MYOF: variants seen among roughly 807,000 people sequenced by gnomAD.
MYOF encodes myoferlin.
A neutral mutation model predicts 284.2 loss-of-function variants in MYOF; 244 were observed. The observed-to-expected ratio is 0.86, with a 90% CI of 0.77 to 0.95. The LOEUF is 0.95. MYOF is among the 40% of genes least tolerant of loss of function. MYOF has a pLI of 0.00. For missense variants in MYOF, 2,496 were observed against 2,560.6 expected (o/e 0.97, Z 0.54); for synonymous variants, 904 against 919.7 (o/e 0.98, Z 0.31).
chr10:93,386,494 G>A (rs991407719), intron 19 of MYOF, among the ~76,000 whole-genome samples: 2 of 152,194 alleles, frequency 1.3e-5, no homozygotes, highest in African/African-American at 2.4e-5. Context: ...GAAGTTACAC[G>A]GATGCCCCGT....
intron 7 of MYOF, among the ~76,000 whole-genome samples, chr10:93,405,036 A>G (rs1408223540): frequency 6.6e-6 from 1 of 152,222 alleles, no homozygotes; most frequent in African/African-American, 2.4e-5. Flanking sequence ...TTTCTAATCT[A>G]CAGGACAGCT....
chr10:93,439,582 T>C (rs1221558590), intron 3 of MYOF, among the ~76,000 whole-genome samples: 1 of 152,228 alleles, frequency 6.6e-6, no homozygotes, highest in Non-Finnish European at 1.5e-5. Flanking sequence ...CAGGCAGGCC[T>C]GACTAATTCA....
chr10:93,313,945 G>A (rs1189364352), intron 50 of MYOF, among the ~76,000 whole-genome samples: 2 of 152,086 alleles, frequency 1.3e-5, no homozygotes, highest in African/African-American at 4.8e-5. Context: ...TGCATGAAAT[G>A]TGCATGTCCA....
In MYOF at chr10:93,351,448, C is replaced by T. The variant is rs183135638; in HGVS notation, c.3787G>A (p.Val1263Ile). 177 of 1,614,226 alleles carry T rather than the reference C, an allele frequency of 1.1e-4. 1 individual carries two copies. The African/African-American group carries it at 2.0e-3, about 18-fold the overall frequency. ...VMNGDKACGD[V>I]LVTAELILRG... is the part of the protein sequence containing the mutation. The stretch of plus-strand genomic sequence containing the variant: ...AGAATCAGCTCTGCAGTTACAAGAA[C>T]ATCCCCGCAGGCTTTGTCTCCATTC... Residue 1263 changes from valine to isoleucine, a missense_variant, in exon 34 of 54, where the codon GTT becomes ATT. Around this residue, in one of 3 missense-constraint regions of MYOF, gnomAD observed 2,436 missense variants for 2,480.7 expected, o/e 0.98. Transcript: ENST00000359263.
chr10:93,378,400 A>G (rs1188942782), intron 21 of MYOF, among the ~76,000 whole-genome samples: 11 of 152,198 alleles, frequency 7.2e-5, no homozygotes, highest in African/African-American at 2.2e-4. Flanking sequence ...TTGCCTATCA[A>G]TTGCAACTTT....
rs1390146438 is a variant in MYOF, at chr10:93,373,086, C to G, written c.2302-1G>C. ...TGATGTCAGGCATGCTGTTCTGTGG[C>G]TGGTCATGAGGATTGGATGGAAGAG... On this transcript the variant is annotated splice_acceptor_variant, in intron 23 of 53. Transcript: ENST00000359263. LOFTEE classifies it high-confidence loss of function. 6.2e-7 allele frequency: 1 copy of G among 1,614,148 alleles called. No homozygotes were observed. Among genetic ancestry groups the G allele is most frequent in the Non-Finnish European group, 8.5e-7 (1 of 1,180,006 alleles).
chr10:93,424,929 ATTTTTTTTTTTTTTT>A (rs11376911), intron 5 of MYOF, among the ~76,000 whole-genome samples: 1 of 77,738 alleles, frequency 1.3e-5, no homozygotes, highest in Non-Finnish European at 2.3e-5. Flanking sequence ...GGAGAATTCC[ATTTTTTTTTTTTTTT>A]TTTTTTTTTT....
Position 93,396,137 on chromosome 10 carries a change from C to T in MYOF, c.1417+5G>A. On this transcript the variant is annotated splice_donor_5th_base_variant and intron_variant, in intron 16 of 53. Transcript: ENST00000359263. ...GTCTTGTTCTAGATCTGTTGAGTGACTTACCTTCCACTTCCCCACCAGAGG... is the reference window on the plus strand; with the variant it reads ...GTCTTGTTCTAGATCTGTTGAGTGATTTACCTTCCACTTCCCCACCAGAGG... 6.2e-7 allele frequency: 1 copy of T among 1,602,112 alleles called. No homozygotes were observed. Among genetic ancestry groups the T allele is most frequent in the Non-Finnish European group, 8.5e-7 (1 of 1,171,686 alleles).
intron 21 of MYOF, 80 bp downstream of exon 21, chr10:93,379,783 G>A (rs1354169000): frequency 3.2e-6 from 5 of 1,557,798 alleles, no homozygotes; most frequent in African/African-American, 1.4e-5. Context: ...ACTTTCTTGT[G>A]TTATAGTGGC....
chr10:93,437,994 T>A (rs1849204993), intron 3 of MYOF, among the ~76,000 whole-genome samples: 2 of 152,100 alleles, frequency 1.3e-5, no homozygotes, highest in African/African-American at 4.8e-5. Flanking sequence ...CCTTATGAAA[T>A]CCAGTGTTAG....
At chr10:93,341,862 C>T (rs1325220522) in intron 38 of MYOF, 72 of 1,224,466 alleles carry the variant, frequency 5.9e-5, no homozygotes, top group Non-Finnish European at 7.3e-5. Context: ...AGTCTTTAGG[C>T]CAAGGTCCCA....
At chr10:93,391,397 G>C (rs1846668080) in intron 17 of MYOF, among the ~76,000 whole-genome samples, 2 of 151,800 alleles carry the variant, frequency 1.3e-5, no homozygotes, top group African/African-American at 2.4e-5. Context: ...TTCTAGACCA[G>C]CCTGGCCAAC....
chr10:93,393,766 C>G (rs574334873), intron 16 of MYOF, among the ~76,000 whole-genome samples: 1 of 152,126 alleles, frequency 6.6e-6, no homozygotes, highest in Non-Finnish European at 1.5e-5. Flanking sequence ...CTATTAGCAC[C>G]CCTGCCCTAC....
At chr10:93,318,696 T>C (rs34857987) in intron 49 of MYOF, among the ~76,000 whole-genome samples, 34,079 of 151,896 alleles carry the variant, frequency 0.22, 5,083 homozygotes, top group Non-Finnish European at 0.34. Flanking sequence ...AGGCAGAGGT[T>C]GTGGTGAGCT....
At chr10:93,333,068 T>C (rs1457390689) in intron 43 of MYOF, among the ~76,000 whole-genome samples, 153 bp downstream of exon 43, 1 of 152,180 alleles carries the variant, frequency 6.6e-6, no homozygotes, top group East Asian at 1.9e-4. Flanking sequence ...ATTTTGGGTT[T>C]ATCTATTTAT....
At chr10:93,340,485 G>A (rs954613805) in intron 38 of MYOF, among the ~76,000 whole-genome samples, 3 of 152,092 alleles carry the variant, frequency 2.0e-5, no homozygotes, top group African/African-American at 7.2e-5. Flanking sequence ...TTTCCCAGTC[G>A]GGAGCACACA....
intron 46 of MYOF, among the ~76,000 whole-genome samples, chr10:93,324,816 G>A (rs565958794): frequency 6.6e-6 from 1 of 151,980 alleles, no homozygotes; most frequent in Non-Finnish European, 1.5e-5. Flanking sequence ...GTCTGGCTCT[G>A]TCACCCAGGC....
Position 93,456,933 on chromosome 10 carries a change from C to G in MYOF, c.93G>C (p.Glu31Asp). The G allele has an allele frequency of 6.2e-7, 1 of 1,604,838 alleles. No homozygotes were observed. The highest frequency in any genetic ancestry group is 1.1e-5 in the South Asian group (1 of 90,308). Reference protein sequence around the residue: ...DPIVSVIFKDEKKKTKKVDNE... With the variant: ...DPIVSVIFKDDKKKTKKVDNE... ...TATCAACTTTCTTTGTTTTCTTTTT[C>G]TCATCTGCAAAAGAGATAAAGGAAG... The change falls in exon 2 of 54, where the codon GAG (glutamate) becomes GAC (aspartate). Residue 31 changes from glutamate (E) to aspartate (D), a missense_variant. This residue lies in a region of MYOF where 57 missense variants were observed against 62.4 expected (regional missense o/e 0.91). Transcript: ENST00000359263.
chr10:93,308,382 C>T (rs575961797), intron 53 of MYOF, among the ~76,000 whole-genome samples: 5 of 147,388 alleles, frequency 3.4e-5, no homozygotes, highest in East Asian at 2.1e-4. Context: ...GTCAGGAGTT[C>T]GAGACCAGCC....
Sources: gnomAD v4.1 joint callset for allele counts (sites outside exome capture counted in the v4.1 genomes callset) on GRCh38, gnomAD v4.1.1 for gene constraint, gnomAD v4.1.1 regional missense constraint, MANE v1.5 for transcripts, NCBI Gene and HGNC (gene_info 2026-07-23, HGNC 2026-07-21) for gene names.